Variants in LHFPL3 observed in about 807,000 individuals in gnomAD.
LHFPL3 encodes the protein LHFPL tetraspan subfamily member 3, also known as LHFPL tetraspan subfamily member 3 protein.
LHFPL3 carries 5 observed loss-of-function variants against 19.3 expected under a neutral mutation model. The observed-to-expected ratio is 0.26, with a 90% CI of 0.14 to 0.54. The LOEUF (loss-of-function observed/expected upper bound fraction) is 0.54, where lower values mean the gene tolerates loss of function less well. LHFPL3 is among the 20% of genes least tolerant of loss of function. The pLI is 0.94. For missense variants in LHFPL3, 249 were observed against 307.4 expected (o/e 0.81, Z 1.42); for synonymous variants, 133 against 126.2 (o/e 1.05, Z -0.36).
At chr7:104,610,489 G>A (rs149423944) in intron 1 of LHFPL3, among the ~76,000 whole-genome samples, 1 of 152,200 alleles carries the variant, frequency 6.6e-6, no homozygotes, top group South Asian at 2.1e-4. Flanking sequence ...CCAGCTGGTT[G>A]GCAAACTGGA....
chr7:104,459,199 T>A (rs998805094), intron 1 of LHFPL3, among the ~76,000 whole-genome samples: 1 of 152,244 alleles, frequency 6.6e-6, no homozygotes, highest in East Asian at 1.9e-4. Flanking sequence ...AATTTCTCTT[T>A]TAAATGTCTT....
intron 1 of LHFPL3, among the ~76,000 whole-genome samples, chr7:104,608,438 T>C (rs1262698393): frequency 7.2e-6 from 1 of 138,274 alleles, no homozygotes; most frequent in African/African-American, 2.7e-5. Flanking sequence ...TAGGTGGGAA[T>C]TGAACAACGA....
chr7:104,522,894 T>C (rs935156364), intron 1 of LHFPL3, among the ~76,000 whole-genome samples: 3 of 151,904 alleles, frequency 2.0e-5, no homozygotes, highest in Non-Finnish European at 4.4e-5. Flanking sequence ...GTATAAGAGG[T>C]AGACCAGGCT....
chr7:104,702,896 T>C (rs1250617348), intron 1 of LHFPL3, among the ~76,000 whole-genome samples: 1 of 152,244 alleles, frequency 6.6e-6, no homozygotes, highest in East Asian at 1.9e-4. Flanking sequence ...ACTGTTCCCA[T>C]GCTTCAGGAA....
intron 1 of LHFPL3, among the ~76,000 whole-genome samples, chr7:104,696,086 G>A (rs1260461838): frequency 2.0e-5 from 3 of 152,134 alleles, no homozygotes; most frequent in Non-Finnish European, 4.4e-5. Flanking sequence ...GAGTAGCTGG[G>A]ACTACAGGCA....
chr7:104,512,081 A>G (rs1356827275), intron 1 of LHFPL3, among the ~76,000 whole-genome samples: 1 of 151,294 alleles, frequency 6.6e-6, no homozygotes, highest in Non-Finnish European at 1.5e-5. Flanking sequence ...CAGCCACCTG[A>G]AGAGTTGGGA....
At chr7:104,505,017 T>C (rs149347701) in intron 1 of LHFPL3, among the ~76,000 whole-genome samples, 10 of 152,310 alleles carry the variant, frequency 6.6e-5, no homozygotes, top group African/African-American at 2.4e-4. Flanking sequence ...TACATGCATA[T>C]ACTGTGTATA....
intron 2 of LHFPL3, among the ~76,000 whole-genome samples, chr7:104,900,982 A>G (rs1792471417): frequency 6.6e-6 from 1 of 152,228 alleles, no homozygotes; most frequent in Non-Finnish European, 1.5e-5. Context: ...GGCAACATCC[A>G]TGGTGCATGG....
intron 1 of LHFPL3, among the ~76,000 whole-genome samples, chr7:104,652,847 A>G (rs930030087): frequency 6.6e-6 from 1 of 151,552 alleles, no homozygotes; most frequent in Non-Finnish European, 1.5e-5. Flanking sequence ...GTGACTGGGC[A>G]TTTTAAAAAG....
intron 1 of LHFPL3, among the ~76,000 whole-genome samples, chr7:104,559,909 A>C (rs1218761361): frequency 4.7e-5 from 7 of 148,188 alleles, no homozygotes; most frequent in Admixed American, 6.6e-5. Context: ...AATTTTGTCA[A>C]AGGCTTTTTC....
intron 1 of LHFPL3, among the ~76,000 whole-genome samples, chr7:104,471,151 C>T (rs550608691): frequency 2.0e-5 from 3 of 152,178 alleles, no homozygotes; most frequent in South Asian, 2.1e-4. Context: ...TCTTTCTATA[C>T]GGTGTGTGTA....
chr7:104,567,694 A>AAGG (rs1325592233), intron 1 of LHFPL3, among the ~76,000 whole-genome samples: 1 of 152,186 alleles, frequency 6.6e-6, no homozygotes, highest in Non-Finnish European at 1.5e-5. Context: ...GTGTTGAGGA[A>AAGG]AGGGGACTTC....
At chr7:104,469,257 C>G (rs1454865940) in intron 1 of LHFPL3, among the ~76,000 whole-genome samples, 1 of 152,134 alleles carries the variant, frequency 6.6e-6, no homozygotes, top group East Asian at 1.9e-4. Context: ...TGTTCTATCC[C>G]CAGCTCATCA....
intron 1 of LHFPL3, among the ~76,000 whole-genome samples, chr7:104,590,027 G>A (rs984922190): frequency 1.4e-4 from 21 of 151,960 alleles, no homozygotes; most frequent in African/African-American, 3.4e-4. Flanking sequence ...TCTTGCTAGC[G>A]GTCTATCAAT....
At chr7:104,592,796 A>C (rs2385242) in intron 1 of LHFPL3, among the ~76,000 whole-genome samples, 28,541 of 152,036 alleles carry the variant, frequency 0.19, 2,883 homozygotes, top group East Asian at 0.38. Flanking sequence ...CTCAAGCCTC[A>C]GCAATGGTGG....
intron 1 of LHFPL3, among the ~76,000 whole-genome samples, chr7:104,410,754 T>C (rs1416139236): frequency 2.0e-5 from 3 of 152,220 alleles, no homozygotes; most frequent in Non-Finnish European, 4.4e-5. Context: ...TTAATATGGA[T>C]CATACAAATG....
chr7:104,664,383 C>T (rs189658769), intron 1 of LHFPL3, among the ~76,000 whole-genome samples: 1 of 152,266 alleles, frequency 6.6e-6, no homozygotes, highest in East Asian at 1.9e-4. Context: ...TAATTAAAAA[C>T]TTTAAGATGT....
At chr7:104,807,047 G>GTGTGTA (rs1790374800) in intron 2 of LHFPL3, among the ~76,000 whole-genome samples, 1 of 144,210 alleles carries the variant, frequency 6.9e-6, no homozygotes, top group Non-Finnish European at 1.5e-5. Flanking sequence ...GTGTGTGTGT[G>GTGTGTA]TGTGTGTATT....
Position 104,790,149 on chromosome 7 carries a change from AC to A in LHFPL3, c.682+53240del, listed in dbSNP as rs1789993902. Among the ~76,000 whole-genome samples, 3 of 152,308 alleles carry A rather than the reference AC, an allele frequency of 2.0e-5. 1 individual carries two copies. The highest frequency in any genetic ancestry group is 7.2e-5 in the African/African-American group (3 of 41,578). On this transcript the variant is annotated intron_variant, in intron 2 of 2. Transcript: ENST00000424859. ...CAGGGCTCTGCACTCTAGCCTAGCT[AC>A]CTGGTTGCTTCCAAATGCAATTCCA...
Sources: allele counts gnomAD v4.1 joint callset (sites outside exome capture counted in the v4.1 genomes callset), GRCh38; gene constraint gnomAD v4.1.1; transcripts MANE v1.5; gene names NCBI Gene and HGNC (gene_info 2026-07-23, HGNC 2026-07-21).